The following ANKHD1 variants were observed in gnomAD, a reference collection of about 807,000 sequenced individuals.
The protein encoded by ANKHD1 is ankyrin repeat and KH domain-containing protein 1.
ANKHD1 carries 31 observed loss-of-function variants against 230.5 expected under a neutral mutation model. The ratio of observed to expected loss-of-function variants is 0.13; its 90% CI spans 0.10 to 0.18. The LOEUF is 0.18. Ranked by LOEUF, ANKHD1 falls within the 10% of genes least tolerant of loss-of-function variation. ANKHD1 has a pLI of 1.00. For missense variants in ANKHD1, 2,256 were observed against 3,071.3 expected, an observed-to-expected ratio of 0.73 and a Z score of 6.27; for synonymous variants, 1,074 against 1,117.6, an observed-to-expected ratio of 0.96 and a Z score of 0.78.
chr5:140,406,528 T>C (rs1770465639), intron 1 of ANKHD1, among the ~76,000 whole-genome samples: 1 of 151,980 alleles, frequency 6.6e-6, no homozygotes, highest in African/African-American at 2.4e-5. Context: ...AAAGACCTTT[T>C]GGTTAGAGGA....
In ANKHD1 at chr5:140,402,206, C is replaced by G. The variant is rs1469712523; in HGVS notation, c.239C>G (p.Ala80Gly). The part of the protein sequence containing the change: ...GGDAALDFKL[A>G]AAVLRTGGGG... ...GACGCGGCGCTGGATTTCAAGTTGG[C>G]GGCTGCCGTGCTGAGGACCGGGGGT... is the stretch of plus-strand genomic sequence containing the variant. Residue 80 changes from alanine (A) to glycine (G), a missense_variant, in exon 1 of 34, where the codon GCG (alanine) becomes GGG (glycine). By Grantham distance (60) the Ala-to-Gly change is moderately conservative (BLOSUM62 0). This residue lies in a region of ANKHD1 where 193 missense variants were observed against 185.8 expected (regional missense o/e 1.04). Transcript: ENST00000360839. 2 of 1,523,090 alleles carry G rather than the reference C, an allele frequency of 1.3e-6. No homozygotes were observed. Among genetic ancestry groups the G allele is most frequent in the Non-Finnish European group, 1.8e-6 (2 of 1,139,962 alleles). 94.3% of individuals were successfully genotyped at this position (1,523,090 alleles called of 1,614,324 possible).
chr5:140,538,836 G>C, intron 32 of ANKHD1, 83 bp from the exon 33 acceptor site: 1 of 1,316,996 alleles, frequency 7.6e-7, no homozygotes, highest in Non-Finnish European at 9.8e-7. Context: ...TATTAGAGAA[G>C]TCTAAGCTGG....
At chr5:140,508,750 C>G (rs1301060859) in intron 20 of ANKHD1, among the ~76,000 whole-genome samples, 4 of 145,550 alleles carry the variant, frequency 2.7e-5, no homozygotes, top group Non-Finnish European at 6.0e-5. Context: ...GAGAGAAACT[C>G]CATCCCACCC....
chr5:140,428,552 GGCAGGGAGGTT>G (rs1772744872), intron 1 of ANKHD1, among the ~76,000 whole-genome samples: 1 of 152,170 alleles, frequency 6.6e-6, no homozygotes, highest in South Asian at 2.1e-4. Context: ...AGGAGAATCA[GGCAGGGAGGTT>G]GCAGTGAGCC....
In ANKHD1 at chr5:140,459,248, A is replaced by G. The variant is rs751254174; in HGVS notation, c.1565A>G (p.Asp522Gly). The G allele has an allele frequency of 1.2e-6, 2 of 1,603,764 alleles. No homozygotes were observed. Among genetic ancestry groups the G allele is most frequent in the South Asian group, 1.1e-5 (1 of 90,106 alleles). Residue 522 changes from aspartate to glycine, a missense_variant, in exon 9 of 34, where the codon GAC (aspartate) becomes GGC (glycine). Around this residue, in one of 13 missense-constraint regions of ANKHD1, gnomAD observed 179 missense variants for 261.8 expected, o/e 0.68. Coordinates refer to ENST00000360839, the MANE Select transcript of ANKHD1 (RefSeq NM_017747.3). ...TGTGGAGGATTTTCTGAAGTTGCAGACTTTCTTATTAAGGCAGGGGCTGAT... is the reference window on the plus strand; with the variant it reads ...TGTGGAGGATTTTCTGAAGTTGCAGGCTTTCTTATTAAGGCAGGGGCTGAT... The part of the protein sequence containing the change: ...ACCGGFSEVA[D>G]FLIKAGADIE...
At chr5:140,533,753 G>T (rs1753943370) in intron 29 of ANKHD1, among the ~76,000 whole-genome samples, 2 of 133,616 alleles carry the variant, frequency 1.5e-5, no homozygotes, top group South Asian at 5.2e-4. Context: ...TCTAGCCTGA[G>T]TGAGAGAGCA....
In ANKHD1 at chr5:140,529,905, TG is replaced by T. The variant is rs1753739188; in HGVS notation, c.6850+110del. ...GGTAAATCAGTCACATATAATGAGC[TG>T]CTTTAGATTCTCTCTATGATTTTTC... On this transcript the variant is annotated intron_variant, in intron 29 of 33. Coordinates refer to ENST00000360839, the MANE Select transcript of ANKHD1 (RefSeq NM_017747.3). 6 of 1,440,446 alleles carry T rather than the reference TG, an allele frequency of 4.2e-6. No homozygotes were observed. In the South Asian group the frequency reaches 8.5e-5, roughly 20 times the overall value. The allele number at this position is 1,440,446 out of a possible 1,614,324, so 89.2% of individuals were successfully genotyped here.
In ANKHD1 at chr5:140,539,513, CT is replaced by C. The variant is rs1282986648; in HGVS notation, c.*96del. 45 of 1,394,352 alleles carry C rather than the reference CT, an allele frequency of 3.2e-5. No homozygotes were observed. The highest frequency in any genetic ancestry group is 4.4e-5 in the Non-Finnish European group (45 of 1,015,384). The allele number at this position is 1,394,352 out of a possible 1,614,324, so 86.4% of individuals were successfully genotyped here. A position where few individuals can be genotyped will look rare whatever the true frequency, so the allele number is the denominator to read the frequency against. ...TTTTAATGTGCCTAAGAAATTTTCT[CT>C]GAGGCTTTAGCAATGGAAATTTGAT... On this transcript the variant is annotated 3_prime_UTR_variant, in exon 34 of 34. Coordinates refer to ENST00000360839, the MANE Select transcript of ANKHD1 (RefSeq NM_017747.3).
chr5:140,491,090 G>GTATATATATATATATA (rs1482029581), intron 14 of ANKHD1, among the ~76,000 whole-genome samples: 3 of 96,584 alleles, frequency 3.1e-5, no homozygotes, highest in Non-Finnish European at 6.3e-5. Flanking sequence ...ATGTGTGTGT[G>GTATATATATATATATA]TGTATATATA....
At position 140,528,015 on chromosome 5, in the gene ANKHD1, A is replaced by G. The variant is rs1400010395; in HGVS notation, c.5230A>G (p.Thr1744Ala). 16 of 1,613,638 alleles carry G rather than the reference A, an allele frequency of 9.9e-6. No individual in the cohort carries two copies. Among genetic ancestry groups the G allele is most frequent in the Non-Finnish European group, 1.4e-5 (16 of 1,179,692 alleles). The change falls in exon 28 of 34, where the codon ACA becomes GCA. Residue 1744 changes from threonine to alanine, a missense_variant. Thr to Ala is a moderately conservative substitution (Grantham distance 58, BLOSUM62 0). This residue lies in a region of ANKHD1 where 23 missense variants were observed against 59.9 expected (regional missense o/e 0.38). Transcript: ENST00000360839. The part of the protein sequence containing the change: ...QKDKNGERMI[T>A]IRGGTESTRY... ...AGATAAGAATGGCGAGAGAATGATC[A>G]CAATAAGGTAATTGTGCAAAATGTA...
At chr5:140,529,894 A>T (rs1321200475) in intron 29 of ANKHD1, 98 bp downstream of exon 29, 6 of 1,491,612 alleles carry the variant, frequency 4.0e-6, no homozygotes, top group Non-Finnish European at 5.4e-6. Context: ...AATCAGTCAC[A>T]TATAATGAGC....
At position 140,538,980 on chromosome 5, in the gene ANKHD1, T is replaced by C. The variant is rs1754194770; in HGVS notation, c.7466T>C (p.Val2489Ala). The C allele has an allele frequency of 6.2e-7, 1 of 1,611,246 alleles. No individual in the cohort carries two copies. Among genetic ancestry groups the C allele is most frequent in the East Asian group, 2.2e-5 (1 of 44,654 alleles). ...CCCTCTCATCCTCAGCTTGCTGATG[T>C]TCCAGGAGGCCCTCTGTTTAATGGA... Reference protein sequence around the residue: ...IIPSHPQLADVPGGPLFNGLH... With the variant: ...IIPSHPQLADAPGGPLFNGLH... Residue 2489 changes from valine to alanine, a missense_variant, in exon 33 of 34, where the codon GTT becomes GCT. Physicochemically the swap from Val to Ala is moderately conservative, Grantham distance 64 (BLOSUM62 0). Transcript: ENST00000360839.
intron 10 of ANKHD1, chr5:140,472,573 C>CCAATAAAGGAGAA: frequency 3.1e-6 from 2 of 645,578 alleles, no homozygotes; most frequent in Non-Finnish European, 2.1e-6. Flanking sequence ...TTACATTCTC[C>CCAATAAAGGAGAA]TTTATTGGGA....
At chr5:140,517,067 T>G (rs1477308245) in intron 24 of ANKHD1, among the ~76,000 whole-genome samples, 1 of 147,370 alleles carries the variant, frequency 6.8e-6, no homozygotes, top group East Asian at 2.0e-4. Context: ...GAGACACACA[T>G]AGGCTCAAAA....
intron 1 of ANKHD1, among the ~76,000 whole-genome samples, chr5:140,435,721 T>TA (rs1438595627): frequency 6.6e-6 from 1 of 151,810 alleles, no homozygotes; most frequent in Non-Finnish European, 1.5e-5. Context: ...TTTTAATAGA[T>TA]ATGGGGTTTC....
chr5:140,479,521 A>G (rs975243797), intron 10 of ANKHD1, among the ~76,000 whole-genome samples: 2 of 151,984 alleles, frequency 1.3e-5, no homozygotes, highest in African/African-American at 2.4e-5. Context: ...TACAAATTTG[A>G]TTACCATTAT....
intron 1 of ANKHD1, among the ~76,000 whole-genome samples, chr5:140,435,264 C>G (rs977678417): frequency 6.6e-6 from 1 of 151,822 alleles, no homozygotes; most frequent in South Asian, 2.1e-4. Flanking sequence ...AATGACCTAT[C>G]TATGCTATCA....
chr5:140,401,971 C>A lies in ANKHD1; in HGVS notation c.4C>A (p.Leu2Met). MLTDSGGGGTSF... is the reference protein window; with the variant it reads MMTDSGGGGTSF... Reference sequence around the variant, plus strand: ...TCTCCGGCTCCGGGTGCGAACAATGCTGACTGATAGCGGAGGCGGCGGCAC... The same window carrying A: ...TCTCCGGCTCCGGGTGCGAACAATGATGACTGATAGCGGAGGCGGCGGCAC... The change falls in exon 1 of 34, where the codon CTG becomes ATG. Residue 2 changes from leucine (L) to methionine (M), a missense_variant. Physicochemically the swap from Leu to Met is conservative, Grantham distance 15 (BLOSUM62 2). This residue lies in a region of ANKHD1 where 193 missense variants were observed against 185.8 expected (regional missense o/e 1.04). Coordinates refer to ENST00000360839, the MANE Select transcript of ANKHD1 (RefSeq NM_017747.3). 6.4e-7 allele frequency: 1 copy of A among 1,566,926 alleles called. No homozygotes were observed. The highest frequency in any genetic ancestry group is 2.4e-5 in the East Asian group (1 of 41,010).
chr5:140,408,947 G>A (rs1770703321), intron 1 of ANKHD1, among the ~76,000 whole-genome samples: 1 of 152,064 alleles, frequency 6.6e-6, no homozygotes, highest in African/African-American at 2.4e-5. Context: ...AGACATTTTG[G>A]GACAGAGAAT....
Sources: allele counts gnomAD v4.1 joint callset (sites outside exome capture counted in the v4.1 genomes callset), GRCh38; gene constraint gnomAD v4.1.1; regional missense constraint gnomAD v4.1.1; transcripts MANE v1.5; gene names NCBI Gene and HGNC (gene_info 2026-07-23, HGNC 2026-07-21).